NAALADL2: variants seen among roughly 807,000 people sequenced by gnomAD.
NAALADL2 encodes inactive N-acetylated-alpha-linked acidic dipeptidase-like protein 2.
NAALADL2 carries 76 observed loss-of-function variants against 87.2 expected under a neutral mutation model. That is an observed-to-expected ratio of 0.87 (90% CI 0.72 to 1.05). The LOEUF is 1.05. NAALADL2 is among the 50% of genes least tolerant of loss of function. NAALADL2 has a pLI of 0.00. For synonymous variants in NAALADL2, 354 were observed against 331.0 expected (o/e 1.07, Z -0.75); for missense variants, 1,089 against 945.8 (o/e 1.15, Z -1.99).
chr3:174,461,829 C>A (rs1716231636), intron 1 of NAALADL2, among the ~76,000 whole-genome samples: 1 of 151,850 alleles, frequency 6.6e-6, no homozygotes, highest in South Asian at 2.1e-4. Context: ...CCCTCCCACA[C>A]TGTGTGTGTG....
chr3:174,693,254 T>A (rs1176098509), intron 2 of NAALADL2, among the ~76,000 whole-genome samples: 1 of 152,278 alleles, frequency 6.6e-6, no homozygotes, highest in East Asian at 1.9e-4. Flanking sequence ...AAACCTGTTT[T>A]ATGACATGGA....
intron 1 of NAALADL2, among the ~76,000 whole-genome samples, chr3:174,478,303 A>C (rs1280560985): frequency 2.6e-5 from 4 of 152,112 alleles, no homozygotes; most frequent in African/African-American, 4.8e-5. Flanking sequence ...CAAGACTTTC[A>C]CCTAGTGACA....
chr3:175,785,033 C>T (rs1306943776), intron 13 of NAALADL2, among the ~76,000 whole-genome samples: 4 of 151,132 alleles, frequency 2.6e-5, no homozygotes, highest in African/African-American at 7.4e-5. Context: ...ATTCTTAATC[C>T]TGAGTTCTAG....
intron 1 of NAALADL2, among the ~76,000 whole-genome samples, chr3:174,873,195 G>GTCTCTCTC (rs1163471271): frequency 7.3e-6 from 1 of 137,684 alleles, no homozygotes. Flanking sequence ...CACTCTCTCT[G>GTCTCTCTC]TCTGTCTCTC....
intron 12 of NAALADL2, among the ~76,000 whole-genome samples, chr3:175,751,517 G>A (rs1275295484): frequency 6.6e-6 from 1 of 152,004 alleles, no homozygotes; most frequent in Non-Finnish European, 1.5e-5. Context: ...TGCGTAAATA[G>A]TGATTTATGC....
intron 2 of NAALADL2, among the ~76,000 whole-genome samples, chr3:174,649,090 A>T (rs1193731599): frequency 6.6e-6 from 1 of 152,052 alleles, no homozygotes; most frequent in African/African-American, 2.4e-5. Context: ...CAGCCTCCCA[A>T]GTAGCTGGGA....
chr3:175,548,181 G>T (rs1292982726), intron 9 of NAALADL2, among the ~76,000 whole-genome samples: 2 of 152,052 alleles, frequency 1.3e-5, no homozygotes, highest in Non-Finnish European at 2.9e-5. Flanking sequence ...ACTGGATAAA[G>T]AAAATGTGGT....
Position 175,324,166 on chromosome 3 carries a change from C to G in NAALADL2, c.940-9C>G. The G allele has an allele frequency of 6.2e-7, 1 of 1,610,858 alleles. No homozygotes were observed. Among genetic ancestry groups the G allele is most frequent in the Non-Finnish European group, 8.5e-7 (1 of 1,178,526 alleles). On this transcript the variant is annotated splice_polypyrimidine_tract_variant and intron_variant, in intron 4 of 13. Transcript: ENST00000454872. Reference sequence around the variant, plus strand: ...ATAATATTTTTAATAGCTTGCTTCCCTCTTTTAGCTTTCCTCATTGGAAAA... The same window carrying G: ...ATAATATTTTTAATAGCTTGCTTCCGTCTTTTAGCTTTCCTCATTGGAAAA...
intron 10 of NAALADL2, among the ~76,000 whole-genome samples, chr3:175,586,354 A>G (rs1002859608): frequency 1.3e-5 from 2 of 152,190 alleles, no homozygotes; most frequent in Non-Finnish European, 2.9e-5. Context: ...TATAAAGATC[A>G]CTACTTCTTC....
intron 5 of NAALADL2, among the ~76,000 whole-genome samples, chr3:175,423,879 C>T (rs762499349): frequency 6.6e-6 from 1 of 152,170 alleles, no homozygotes; most frequent in Non-Finnish European, 1.5e-5. Context: ...TACAGTCCCA[C>T]CAACAGTGTA....
intron 4 of NAALADL2, among the ~76,000 whole-genome samples, chr3:175,309,915 T>C (rs1398605567): frequency 6.6e-6 from 1 of 152,212 alleles, no homozygotes; most frequent in Non-Finnish European, 1.5e-5. Context: ...ATGCCCAGCA[T>C]GTCTCTCTTA....
intron 1 of NAALADL2, among the ~76,000 whole-genome samples, chr3:174,906,665 A>G (rs1279861275): frequency 6.6e-6 from 1 of 152,152 alleles, no homozygotes; most frequent in African/African-American, 2.4e-5. Context: ...GTCATGCTTC[A>G]TATAAGACCA....
chr3:175,746,370 T>A (rs1745948319), intron 12 of NAALADL2, among the ~76,000 whole-genome samples: 1 of 151,920 alleles, frequency 6.6e-6, no homozygotes, highest in Admixed American at 6.6e-5. Context: ...AATATGTTTT[T>A]TTTTTCTAAA....
chr3:175,132,187 T>A (rs1728113217), intron 2 of NAALADL2, among the ~76,000 whole-genome samples: 1 of 88,028 alleles, frequency 1.1e-5, no homozygotes, highest in African/African-American at 5.7e-5. Context: ...GCAGAGGGGC[T>A]CCTCACTTCC....
chr3:174,481,789 TTC>T (rs1717569695), intron 1 of NAALADL2, among the ~76,000 whole-genome samples: 1 of 152,048 alleles, frequency 6.6e-6, no homozygotes, highest in Non-Finnish European at 1.5e-5. Flanking sequence ...TGCTTTTAAT[TTC>T]TCTTATAATG....
At chr3:174,561,621 A>T (rs574037611) in intron 2 of NAALADL2, among the ~76,000 whole-genome samples, 13 of 152,222 alleles carry the variant, frequency 8.5e-5, no homozygotes, top group African/African-American at 3.1e-4. Flanking sequence ...TTCTTGCTAA[A>T]CTGACTTAGC....
intron 5 of NAALADL2, among the ~76,000 whole-genome samples, chr3:175,428,300 G>A (rs182816526): frequency 1.9e-4 from 29 of 152,118 alleles, no homozygotes; most frequent in East Asian, 5.8e-4. Flanking sequence ...TGAAGAAAAC[G>A]AAACTCCTTT....
At chr3:174,554,689 A>G (rs1398136885) in intron 2 of NAALADL2, among the ~76,000 whole-genome samples, 1 of 152,210 alleles carries the variant, frequency 6.6e-6, no homozygotes, top group Non-Finnish European at 1.5e-5. Flanking sequence ...ACTTTTCTCC[A>G]TAAAAGATTG....
At chr3:174,580,238 A>C (rs562992240) in intron 2 of NAALADL2, among the ~76,000 whole-genome samples, 1 of 152,118 alleles carries the variant, frequency 6.6e-6, no homozygotes, top group Admixed American at 6.6e-5. Flanking sequence ...AAAAAGTTAC[A>C]CACTTTTGAA....
Sources: gnomAD v4.1 joint callset for allele counts (sites outside exome capture counted in the v4.1 genomes callset) on GRCh38, gnomAD v4.1.1 for gene constraint, MANE v1.5 for transcripts, NCBI Gene and HGNC (gene_info 2026-07-23, HGNC 2026-07-21) for gene names.